The following MAN2A1 variants were observed in gnomAD, a reference collection of about 807,000 sequenced individuals.
The protein encoded by MAN2A1 is alpha-mannosidase 2.
In MAN2A1, 76 loss-of-function variants were observed where a neutral mutation model predicts 142.6. The observed-to-expected ratio is 0.53, with a 90% confidence interval of 0.44 to 0.65. The LOEUF (loss-of-function observed/expected upper bound fraction) is 0.65. Among genes scored for constraint, MAN2A1 ranks in the 30% least tolerant of loss-of-function variants. The pLI is 0.00. For synonymous variants in MAN2A1, 559 were observed against 473.2 expected, an observed-to-expected ratio of 1.18 and a Z score of -2.35; for missense variants, 1,311 against 1,365.1, an observed-to-expected ratio of 0.96 and a Z score of 0.62.
At chr5:109,836,822 C>G (rs998439075) in intron 16 of MAN2A1, among the ~76,000 whole-genome samples, 1 of 152,146 alleles carries the variant, frequency 6.6e-6, no homozygotes, top group African/African-American at 2.4e-5. Flanking sequence ...ATCCACTCTT[C>G]AGGAGAGGAA....
intron 16 of MAN2A1, among the ~76,000 whole-genome samples, chr5:109,839,112 A>C (rs1329253988): frequency 1.3e-5 from 2 of 152,076 alleles, no homozygotes; most frequent in East Asian, 3.8e-4. Context: ...CTTTTAGTGA[A>C]TTAGAGTTTA....
At chr5:109,762,561 A>G (rs913523161) in intron 5 of MAN2A1, among the ~76,000 whole-genome samples, 3 of 152,056 alleles carry the variant, frequency 2.0e-5, no homozygotes, top group African/African-American at 7.2e-5. Flanking sequence ...GCTGAAATGG[A>G]GTTGGAGCTC....
intron 16 of MAN2A1, 73 bp downstream of exon 16, chr5:109,823,910 C>A: frequency 1.5e-6 from 1 of 671,108 alleles, no homozygotes; most frequent in Non-Finnish European, 2.4e-6. Context: ...TTATGCCATT[C>A]TTAAATTAAC....
At chr5:109,862,747 T>A (rs1224428339) in intron 20 of MAN2A1, 8 of 152,230 alleles carry the variant, frequency 5.3e-5, no homozygotes, top group Non-Finnish European at 1.2e-4. Context: ...GAAAAACTGC[T>A]GCTTTGCCTC....
intron 14 of MAN2A1, 59 bp downstream of exon 14, chr5:109,819,946 G>A (rs1321175773): frequency 1.6e-6 from 2 of 1,232,712 alleles, no homozygotes; most frequent in Non-Finnish European, 2.3e-6. Flanking sequence ...TACAATGTGT[G>A]TAGATTAATT....
At chr5:109,858,963 G>A (rs1021234059) in intron 20 of MAN2A1, among the ~76,000 whole-genome samples, 3 of 152,120 alleles carry the variant, frequency 2.0e-5, no homozygotes, top group Non-Finnish European at 4.4e-5. Context: ...CACTGTGCCC[G>A]GATCACACAG....
chr5:109,778,464 T>A (rs1175049108), intron 8 of MAN2A1, among the ~76,000 whole-genome samples: 1 of 152,120 alleles, frequency 6.6e-6, no homozygotes, highest in East Asian at 1.9e-4. Context: ...TTAGTCATAA[T>A]GTTTGCTGTA....
At chr5:109,692,787 CA>C (rs199845698) in intron 1 of MAN2A1, among the ~76,000 whole-genome samples, 5,303 of 88,064 alleles carry the variant, frequency 0.06, 94 homozygotes, top group Middle Eastern at 0.074. Context: ...TTTCCACAGA[CA>C]GGGGTGGGGA....
intron 7 of MAN2A1, among the ~76,000 whole-genome samples, chr5:109,774,551 G>A (rs1301297153): frequency 6.6e-6 from 1 of 151,880 alleles, no homozygotes; most frequent in Non-Finnish European, 1.5e-5. Context: ...AAACCTATGA[G>A]TTTTTCCTTC....
chr5:109,796,151 G>C (rs558358208), intron 12 of MAN2A1, among the ~76,000 whole-genome samples: 2 of 152,266 alleles, frequency 1.3e-5, no homozygotes, highest in South Asian at 4.1e-4. Context: ...AAATGTTGGC[G>C]AGATGACTGC....
At chr5:109,789,389 T>C (rs891836508) in intron 11 of MAN2A1, 71 bp from the exon 12 acceptor site, 1 of 845,808 alleles carries the variant, frequency 1.2e-6, no homozygotes, top group Non-Finnish European at 1.8e-6. Flanking sequence ...TGAATTTGAA[T>C]GGTCTTCTGG....
intron 8 of MAN2A1, among the ~76,000 whole-genome samples, chr5:109,776,972 A>G (rs900909497): frequency 6.6e-6 from 1 of 152,092 alleles, no homozygotes; most frequent in Admixed American, 6.6e-5. Context: ...TTTTTTGATG[A>G]ATATACCACA....
intron 13 of MAN2A1, among the ~76,000 whole-genome samples, chr5:109,817,807 T>C (rs2112722063): frequency 6.6e-6 from 1 of 152,294 alleles, no homozygotes; most frequent in Admixed American, 6.5e-5. Flanking sequence ...ATATCGAAAG[T>C]GAGATAAATA....
chr5:109,808,599 TATA>T (rs1754234441), intron 12 of MAN2A1, among the ~76,000 whole-genome samples: 1 of 152,072 alleles, frequency 6.6e-6, no homozygotes, highest in Non-Finnish European at 1.5e-5. Flanking sequence ...GATTAGCTAA[TATA>T]ATGTTTTGAA....
intron 16 of MAN2A1, among the ~76,000 whole-genome samples, chr5:109,839,814 A>G (rs556397949): frequency 2.6e-4 from 39 of 152,074 alleles, no homozygotes; most frequent in Non-Finnish European, 5.1e-4. Context: ...GAAAATTCTG[A>G]TCCTAGAGGC....
chr5:109,769,790 G>T (rs1368846670), intron 6 of MAN2A1, among the ~76,000 whole-genome samples: 1 of 152,194 alleles, frequency 6.6e-6, no homozygotes, highest in Non-Finnish European at 1.5e-5. Context: ...AACATGGGGT[G>T]AGACTGTAGA....
intron 16 of MAN2A1, among the ~76,000 whole-genome samples, chr5:109,838,627 T>TA (rs1379066735): frequency 6.6e-6 from 1 of 152,154 alleles, no homozygotes; most frequent in African/African-American, 2.4e-5. Flanking sequence ...TACTGATCTT[T>TA]AAAAAAATAA....
At chr5:109,726,680 G>A (rs1014421069) in intron 3 of MAN2A1, among the ~76,000 whole-genome samples, 3 of 152,120 alleles carry the variant, frequency 2.0e-5, no homozygotes, top group African/African-American at 4.8e-5. Flanking sequence ...ATTCATCACA[G>A]ATTATAACTG....
intron 16 of MAN2A1, among the ~76,000 whole-genome samples, chr5:109,833,629 G>A (rs1228165928): frequency 2.0e-5 from 3 of 150,922 alleles, no homozygotes; most frequent in South Asian, 2.1e-4. Flanking sequence ...ACTACAGTCC[G>A]GCCTCTGCTC....
Sources: gnomAD v4.1 joint callset for allele counts (sites outside exome capture counted in the v4.1 genomes callset) on GRCh38, gnomAD v4.1.1 for gene constraint, MANE v1.5 for transcripts, NCBI Gene and HGNC (gene_info 2026-07-23, HGNC 2026-07-21) for gene names.